XIRP2: variants seen among roughly 807,000 people sequenced by gnomAD.
XIRP2 encodes xin actin-binding repeat-containing protein 2.
XIRP2 carries 236 observed loss-of-function variants against 277.0 expected under a neutral mutation model. That is an observed-to-expected ratio of 0.85 (90% CI 0.77 to 0.95). XIRP2 has a LOEUF of 0.95. Among genes scored for constraint, XIRP2 ranks in the 40% least tolerant of loss-of-function variants. XIRP2 has a pLI of 0.00. For missense variants in XIRP2, 4,640 were observed against 4,157.5 expected (o/e 1.12, Z -3.19); for synonymous variants, 1,490 against 1,416.5 (o/e 1.05, Z -1.17).
chr2:167,225,481 G>C (rs1007644054), intron 5 of XIRP2, among the ~76,000 whole-genome samples: 1 of 152,014 alleles, frequency 6.6e-6, no homozygotes, highest in Non-Finnish European at 1.5e-5. Flanking sequence ...TTTCTATAAC[G>C]GTCTTAATAG....
chr2:167,176,507 C>A (rs1040557543), intron 3 of XIRP2, among the ~76,000 whole-genome samples: 10 of 152,194 alleles, frequency 6.6e-5, no homozygotes, highest in Admixed American at 5.9e-4. Flanking sequence ...AACATCTAAG[C>A]CATCTTTGCC....
chr2:167,092,525 A>G (rs1325920221), intron 2 of XIRP2, among the ~76,000 whole-genome samples: 1 of 152,102 alleles, frequency 6.6e-6, no homozygotes, highest in East Asian at 1.9e-4. Context: ...GTGGCACTAT[A>G]GTTAACTGTG....
chr2:167,105,797 CA>C (rs1285855800), intron 2 of XIRP2, among the ~76,000 whole-genome samples: 1 of 151,722 alleles, frequency 6.6e-6, no homozygotes, highest in Non-Finnish European at 1.5e-5. Flanking sequence ...CCAGTTTTTC[CA>C]CACCCTTGGA....
intron 3 of XIRP2, among the ~76,000 whole-genome samples, chr2:167,164,634 C>A (rs1275862952): frequency 6.6e-6 from 1 of 152,046 alleles, no homozygotes. Flanking sequence ...AAATTTACTC[C>A]ATGAATATTT....
chr2:167,050,553 T>C (rs1688889484), intron 2 of XIRP2, among the ~76,000 whole-genome samples: 1 of 151,918 alleles, frequency 6.6e-6, no homozygotes, highest in African/African-American at 2.4e-5. Flanking sequence ...ACACAGGACC[T>C]GATGGCACGG....
Position 166,940,430 on chromosome 2 carries a change from C to A in XIRP2, c.408+36540C>A, listed in dbSNP as rs186877805. On this transcript the variant is annotated intron_variant, in intron 2 of 10. Coordinates refer to ENST00000409195, the MANE Select transcript of XIRP2 (RefSeq NM_152381.6). Reference sequence around the variant, plus strand: ...CTTGGAGAAGTTTGATCGTCTGAAGCCTTCTTCTCTCAACTCTTCAAAGTC... The same window carrying A: ...CTTGGAGAAGTTTGATCGTCTGAAGACTTCTTCTCTCAACTCTTCAAAGTC... Among the ~76,000 whole-genome samples the A allele has an allele frequency of 2.2e-4, 33 of 152,296 alleles. No homozygotes were observed. In the East Asian group the frequency reaches 6.0e-3, roughly 28 times the overall value.
chr2:167,010,202 G>C (rs997048174), intron 2 of XIRP2, among the ~76,000 whole-genome samples: 2 of 152,088 alleles, frequency 1.3e-5, no homozygotes, highest in Non-Finnish European at 2.9e-5. Flanking sequence ...TATGGTTGTA[G>C]GTCTAACGTT....
intron 3 of XIRP2, among the ~76,000 whole-genome samples, chr2:167,198,107 A>G (rs1275708254): frequency 6.6e-6 from 1 of 152,210 alleles, no homozygotes. Flanking sequence ...TTAAGGGATG[A>G]CGATACTGAC....
chr2:167,177,326 G>GT (rs1559008776), intron 3 of XIRP2, among the ~76,000 whole-genome samples: 1 of 151,986 alleles, frequency 6.6e-6, no homozygotes, highest in Non-Finnish European at 1.5e-5. Flanking sequence ...AAACAATACT[G>GT]TAATTCTATA....
chr2:166,911,824 G>A (rs1404328954), intron 2 of XIRP2, among the ~76,000 whole-genome samples: 2 of 152,244 alleles, frequency 1.3e-5, no homozygotes, highest in South Asian at 2.1e-4. Context: ...AAATCTCTCA[G>A]CATTTGCTTG....
chr2:167,030,756 G>T (rs2105503906), intron 2 of XIRP2, among the ~76,000 whole-genome samples: 1 of 151,354 alleles, frequency 6.6e-6, no homozygotes. Context: ...TTCAAGTCCT[G>T]AATACGGTGA....
At position 167,244,328 on chromosome 2, in the gene XIRP2, A is replaced by C. The variant is rs1407849389; in HGVS notation, c.2936A>C (p.Asn979Thr). The change falls in exon 9 of 11, where the codon AAT becomes ACT. Residue 979 changes from asparagine to threonine, a missense_variant. Transcript: ENST00000409195. ...EGVTRGAVELNKSLFETTPLY... is the reference protein window; with the variant it reads ...EGVTRGAVELTKSLFETTPLY... ...GTTACAAGAGGTGCTGTAGAGTTAA[A>C]TAAATCTCTCTTCGAGACAACACCA... 12 of 1,613,796 alleles carry C rather than the reference A, an allele frequency of 7.4e-6. No individual in the cohort carries two copies. Among genetic ancestry groups the C allele is most frequent in the Non-Finnish European group, 9.3e-6 (11 of 1,179,840 alleles).
chr2:167,132,899 G>T (rs949914362), intron 2 of XIRP2, among the ~76,000 whole-genome samples: 1 of 152,062 alleles, frequency 6.6e-6, no homozygotes, highest in Non-Finnish European at 1.5e-5. Flanking sequence ...CTGACTCCTG[G>T]GCTTCGTTAC....
chr2:167,034,521 C>G (rs1429568847), intron 2 of XIRP2, among the ~76,000 whole-genome samples: 6 of 151,280 alleles, frequency 4.0e-5, no homozygotes, highest in Non-Finnish European at 7.4e-5. Context: ...AAAAAAAGAC[C>G]CAGTGATTTG....
chr2:167,177,786 C>A (rs2105354359), intron 3 of XIRP2, among the ~76,000 whole-genome samples: 1 of 152,208 alleles, frequency 6.6e-6, no homozygotes, highest in Admixed American at 6.5e-5. Flanking sequence ...TAATTTAGCC[C>A]TTTAGAGGGC....
chr2:167,155,829 A>C (rs1206049433), intron 3 of XIRP2, among the ~76,000 whole-genome samples: 2 of 151,830 alleles, frequency 1.3e-5, no homozygotes, highest in African/African-American at 4.9e-5. Flanking sequence ...AGATGACATG[A>C]TTGTATATCT....
At chr2:167,198,994 C>T (rs868833227) in intron 3 of XIRP2, among the ~76,000 whole-genome samples, 2 of 152,060 alleles carry the variant, frequency 1.3e-5, no homozygotes, top group South Asian at 4.1e-4. Context: ...TTTTCTAAGA[C>T]AAAAATTGGA....
intron 5 of XIRP2, among the ~76,000 whole-genome samples, chr2:167,239,449 G>T (rs1345643733): frequency 6.6e-6 from 1 of 152,172 alleles, no homozygotes; most frequent in Non-Finnish European, 1.5e-5. Context: ...TAATCATAAG[G>T]GTCCTTAAAA....
intron 4 of XIRP2, among the ~76,000 whole-genome samples, chr2:167,216,034 G>T (rs1198925488): frequency 6.7e-6 from 1 of 148,866 alleles, no homozygotes; most frequent in Non-Finnish European, 1.5e-5. Flanking sequence ...AATGGGGAAA[G>T]GATTCCCTAT....
Sources: gnomAD v4.1 joint callset for allele counts (sites outside exome capture counted in the v4.1 genomes callset) on GRCh38, gnomAD v4.1.1 for gene constraint, MANE v1.5 for transcripts, NCBI Gene and HGNC (gene_info 2026-07-23, HGNC 2026-07-21) for gene names.